LGSN: variants seen among roughly 807,000 people sequenced by gnomAD.
LGSN encodes the protein lengsin, lens protein with glutamine synthetase domain, also known as lengsin.
A neutral mutation model predicts 19.5 loss-of-function variants in LGSN; 21 were observed. That is an observed-to-expected ratio of 1.07 (90% CI 0.76 to 1.55). LGSN has a LOEUF of 1.55. Ranked by LOEUF, LGSN falls within the 40% of genes most tolerant of loss-of-function variation. LGSN has a pLI of 0.00. For missense variants in LGSN, 673 were observed against 608.5 expected, an observed-to-expected ratio of 1.11 and a Z score of -1.12; for synonymous variants, 257 against 215.6, an observed-to-expected ratio of 1.19 and a Z score of -1.68.
At chr6:63,297,678 G>C (rs1375449717) in intron 1 of LGSN, among the ~76,000 whole-genome samples, 2 of 152,116 alleles carry the variant, frequency 1.3e-5, no homozygotes, top group African/African-American at 4.8e-5. Flanking sequence ...TTGAGGTTTG[G>C]GTTGTAATTC....
At chr6:63,312,905 G>T (rs1213892208) in intron 1 of LGSN, among the ~76,000 whole-genome samples, 5 of 152,114 alleles carry the variant, frequency 3.3e-5, no homozygotes, top group Admixed American at 3.3e-4. Flanking sequence ...AACCCAAAAA[G>T]CAAAGACTTG....
chr6:63,491,165 C>T, the LGSN span, among the ~76,000 whole-genome samples: 1 of 152,188 alleles, frequency 6.6e-6, no homozygotes, highest in African/African-American at 2.4e-5. Context: ...TTTCTCTTCT[C>T]TATGGTGACC....
chr6:63,572,839 G>C, the LGSN span: 81 of 394,888 alleles, frequency 2.1e-4, no homozygotes, highest in East Asian at 6.1e-4. Context: ...TTGCGGTTCC[G>C]GTGGGTCCCG....
At chr6:63,551,493 T>C in the LGSN span, among the ~76,000 whole-genome samples, 6 of 152,218 alleles carry the variant, frequency 3.9e-5, no homozygotes, top group Non-Finnish European at 8.8e-5. Flanking sequence ...TTTTTTCCTA[T>C]GTACAAATAT....
chr6:63,344,490 C>T, the LGSN span, among the ~76,000 whole-genome samples: 2 of 152,102 alleles, frequency 1.3e-5, no homozygotes, highest in South Asian at 4.1e-4. Flanking sequence ...AAGAAGAAAT[C>T]ATGCAGTTCA....
chr6:63,547,803 G>A, the LGSN span, among the ~76,000 whole-genome samples: 6 of 151,916 alleles, frequency 3.9e-5, no homozygotes, highest in South Asian at 2.1e-4. Flanking sequence ...GAGCCACTGC[G>A]CCCGGCCCAG....
chr6:63,499,183 T>C, the LGSN span, among the ~76,000 whole-genome samples: 3 of 152,234 alleles, frequency 2.0e-5, no homozygotes, highest in Middle Eastern at 3.4e-3. Context: ...ATCTATAATA[T>C]ACAGAATTTT....
chr6:63,331,486 C>T, the LGSN span, among the ~76,000 whole-genome samples: 9 of 152,278 alleles, frequency 5.9e-5, no homozygotes, highest in East Asian at 1.9e-4. Flanking sequence ...ACATTTCAAG[C>T]GTGAGCCTGT....
At chr6:63,562,973 T>C in the LGSN span, among the ~76,000 whole-genome samples, 2 of 152,252 alleles carry the variant, frequency 1.3e-5, no homozygotes, top group Admixed American at 1.3e-4. Flanking sequence ...GTTTGGCCTT[T>C]GACAATTTTT....
At chr6:63,300,949 T>C (rs971417948) in intron 1 of LGSN, among the ~76,000 whole-genome samples, 2 of 152,176 alleles carry the variant, frequency 1.3e-5, no homozygotes, top group Non-Finnish European at 2.9e-5. Context: ...GAAGTTAGAA[T>C]TACTAAGAGT....
chr6:63,420,215 A>C, the LGSN span, among the ~76,000 whole-genome samples: 2 of 151,914 alleles, frequency 1.3e-5, no homozygotes, highest in Non-Finnish European at 2.9e-5. Context: ...AAAAAAAAAA[A>C]AAAGTACTTT....
intron 1 of LGSN, among the ~76,000 whole-genome samples, chr6:63,295,794 GCA>G (rs1311457520): frequency 3.3e-5 from 5 of 152,066 alleles, no homozygotes; most frequent in Non-Finnish European, 5.9e-5. Context: ...CACTAACAGT[GCA>G]CAGAGTCACC....
rs148942590 is a variant in LGSN, at chr6:63,280,246, A to T, written c.1305T>A (p.Asn435Lys). Residue 435 changes from asparagine (N) to lysine (K), a missense_variant, in exon 4 of 4, where the codon AAT becomes AAA. Asn to Lys is a moderately conservative substitution (Grantham distance 94). Transcript: ENST00000370657. The part of the protein sequence containing the change: ...AAGLDGLHSS[N>K]EVLAGPDEST... ...TCTCATCTGGACCAGCCAAGACCTC[A>T]TTACTGCTATGAAGTCCATCTAAGC... is the stretch of plus-strand genomic sequence containing the variant. The T allele has an allele frequency of 6.2e-7, 1 of 1,614,232 alleles. No individual in the cohort carries two copies. The highest frequency in any genetic ancestry group is 1.3e-5 in the African/African-American group (1 of 75,074).
At chr6:63,349,182 CT>C in the LGSN span, among the ~76,000 whole-genome samples, 1 of 152,112 alleles carries the variant, frequency 6.6e-6, no homozygotes, top group Non-Finnish European at 1.5e-5. Context: ...TGCCCTCAAA[CT>C]TTTGGTTGTT....
chr6:63,353,408 C>G, the LGSN span, among the ~76,000 whole-genome samples: 3 of 152,034 alleles, frequency 2.0e-5, no homozygotes, highest in South Asian at 6.2e-4. Flanking sequence ...CCTGGATATG[C>G]TCACAGATGT....
the LGSN span, among the ~76,000 whole-genome samples, chr6:63,428,627 A>G: frequency 6.6e-5 from 10 of 152,352 alleles, no homozygotes; most frequent in South Asian, 6.2e-4. Flanking sequence ...TTGGGATAAC[A>G]GGCATGAGCC....
Position 63,278,763 on chromosome 6 carries a change from A to T in LGSN, c.*1258T>A, listed in dbSNP as rs1767176637. 6.6e-6 allele frequency: 1 copy of T among 152,116 alleles called. No homozygotes were observed. Among genetic ancestry groups the T allele is most frequent in the Non-Finnish European group, 1.5e-5 (1 of 68,022 alleles). The allele number at this position is 152,116 out of a possible 1,614,324, so 9.4% of individuals were successfully genotyped here. ...TATCCAAACACACTTCTCCTGCTCAAAGGAAAAAAGAAGGGAGTAATTAGT... is the reference window on the plus strand; with the variant it reads ...TATCCAAACACACTTCTCCTGCTCATAGGAAAAAAGAAGGGAGTAATTAGT... On this transcript the variant is annotated 3_prime_UTR_variant, in exon 4 of 4. Coordinates refer to ENST00000370657, the MANE Select transcript of LGSN (RefSeq NM_016571.3).
intron 1 of LGSN, among the ~76,000 whole-genome samples, chr6:63,309,895 A>G (rs1438210561): frequency 6.6e-6 from 1 of 152,148 alleles, no homozygotes; most frequent in Non-Finnish European, 1.5e-5. Flanking sequence ...TCTTCTATTC[A>G]TCCTTCATAC....
chr6:63,504,732 C>G, the LGSN span, among the ~76,000 whole-genome samples: 2 of 152,228 alleles, frequency 1.3e-5, no homozygotes, highest in African/African-American at 2.4e-5. Flanking sequence ...GTGTGAGCCA[C>G]CACACTCAGC....
Sources: gnomAD v4.1 joint callset for allele counts (sites outside exome capture counted in the v4.1 genomes callset) on GRCh38, gnomAD v4.1.1 for gene constraint, MANE v1.5 for transcripts, NCBI Gene and HGNC (gene_info 2026-07-23, HGNC 2026-07-21) for gene names.